ABCB5: variants seen among roughly 807,000 people sequenced by gnomAD.
ABCB5 encodes ATP-binding cassette sub-family B member 5.
A neutral mutation model predicts 144.2 loss-of-function variants in ABCB5; 155 were observed. That is an observed-to-expected ratio of 1.08 (90% confidence interval 0.94 to 1.23). ABCB5 has a LOEUF of 1.23. Ranked by LOEUF, ABCB5 falls within the 50% of genes most tolerant of loss-of-function variation. ABCB5 has a pLI of 0.00. For missense variants in ABCB5, 1,830 were observed against 1,520.8 expected (o/e 1.20, Z -3.38); for synonymous variants, 610 against 528.6 (o/e 1.15, Z -2.11).
At chr7:20,702,686 C>G (rs946134406) in intron 19 of ABCB5, among the ~76,000 whole-genome samples, 1 of 132,726 alleles carries the variant, frequency 7.5e-6, no homozygotes, top group Non-Finnish European at 1.5e-5. Context: ...TCCTGAGACA[C>G]AGTCTCGCTC....
chr7:20,696,845 A>G (rs1786434279), intron 16 of ABCB5, among the ~76,000 whole-genome samples: 1 of 151,978 alleles, frequency 6.6e-6, no homozygotes, highest in Admixed American at 6.6e-5. Context: ...TTTAAATGAT[A>G]CCATTTTAAA....
chr7:20,616,578 A>G (rs185236565), intron 1 of ABCB5, among the ~76,000 whole-genome samples: 26 of 152,344 alleles, frequency 1.7e-4, no homozygotes, highest in Admixed American at 5.2e-4. Context: ...TATGTTCCAT[A>G]GTACTTGCCA....
At chr7:20,664,907 A>C (rs771201784) in intron 14 of ABCB5, among the ~76,000 whole-genome samples, 2 of 152,200 alleles carry the variant, frequency 1.3e-5, no homozygotes, top group Non-Finnish European at 2.9e-5. Context: ...TGGGCAACAT[A>C]GCAAGACCTT....
intron 1 of ABCB5, among the ~76,000 whole-genome samples, chr7:20,616,963 C>A (rs1783700023): frequency 6.6e-6 from 1 of 152,160 alleles, no homozygotes; most frequent in South Asian, 2.1e-4. Flanking sequence ...TATATAGCAA[C>A]CTCCTTTTAT....
chr7:20,618,893 G>A (rs749715000), intron 1 of ABCB5, among the ~76,000 whole-genome samples: 56 of 140,270 alleles, frequency 4.0e-4, no homozygotes, highest in South Asian at 2.4e-3. Flanking sequence ...TCCTGCCTCA[G>A]CCACCCAAGT....
intron 25 of ABCB5, among the ~76,000 whole-genome samples, chr7:20,743,873 C>G (rs1782636940): frequency 6.6e-6 from 1 of 152,082 alleles, no homozygotes; most frequent in African/African-American, 2.4e-5. Context: ...ATGAGACACT[C>G]ATCTATTCGC....
At chr7:20,720,922 C>A (rs576149148) in intron 20 of ABCB5, among the ~76,000 whole-genome samples, 1 of 111,452 alleles carries the variant, frequency 9.0e-6, no homozygotes, top group African/African-American at 3.6e-5. Context: ...CCAGCCTGGG[C>A]GACAGAGCGA....
At chr7:20,714,726 A>G (rs1447049399) in intron 20 of ABCB5, among the ~76,000 whole-genome samples, 1 of 152,226 alleles carries the variant, frequency 6.6e-6, no homozygotes, top group Non-Finnish European at 1.5e-5. Flanking sequence ...ACAAGAATGG[A>G]AAACCCAAGC....
rs548354044 is a variant in ABCB5, at chr7:20,667,007, C to G, written c.1707+8331C>G. ...TTGTTGTTCACTATGAGGAGTATAT[C>G]GGTTTTAGGTCACATGAATGATCTA... is the stretch of plus-strand genomic sequence containing the variant. On this transcript the variant is annotated intron_variant, in intron 14 of 27. Coordinates refer to ENST00000404938, the MANE Select transcript of ABCB5 (RefSeq NM_001163941.2). 4.9e-4 allele frequency: 339 copies of G among 693,136 alleles called. 7 individuals carry two copies. The South Asian group carries it at 0.012, about 24-fold the overall frequency. The allele number at this position is 693,136 out of a possible 1,614,324, so 42.9% of individuals were successfully genotyped here.
intron 22 of ABCB5, among the ~76,000 whole-genome samples, chr7:20,727,822 T>G (rs1277548368): frequency 6.6e-6 from 1 of 152,002 alleles, no homozygotes; most frequent in African/African-American, 2.4e-5. Context: ...CACTTTTAAT[T>G]TTAAACTAGT....
At chr7:20,704,284 C>A (rs1786741440) in intron 19 of ABCB5, among the ~76,000 whole-genome samples, 1 of 151,818 alleles carries the variant, frequency 6.6e-6, no homozygotes, top group African/African-American at 2.4e-5. Flanking sequence ...GCCATGTTGG[C>A]CAGGCTGGTC....
chr7:20,700,036 T>C, intron 18 of ABCB5, 22 bp from the exon 19 acceptor site: 7 of 1,610,752 alleles, frequency 4.3e-6, no homozygotes, highest in Non-Finnish European at 5.9e-6. Context: ...AGAACGTAGA[T>C]TTTTGTTTGT....
chr7:20,720,515 A>G (rs576822561), intron 20 of ABCB5, among the ~76,000 whole-genome samples: 11 of 152,306 alleles, frequency 7.2e-5, no homozygotes, highest in African/African-American at 2.6e-4. Context: ...TGCAATGAGA[A>G]GAACACAGCA....
rs1218374836 is a variant in ABCB5 at position 20,615,818 on chromosome 7, A to G, written c.-41A>G. On this transcript the variant is annotated 5_prime_UTR_variant, in exon 1 of 28. Transcript: ENST00000404938. ...ACTGACTGGATGGGGCCCACTCAAA[A>G]CAGCATCTAAGGAATTAAAGTAAGT... The G allele has an allele frequency of 6.6e-6, 1 of 152,324 alleles. No homozygotes were observed. 9.4% of individuals were successfully genotyped at this position (152,324 alleles called of 1,614,324 possible).
In ABCB5 at chr7:20,676,260, A is replaced by ATT. The variant is rs1438603179; in HGVS notation, c.1708-5245_1708-5244insTT. Among the ~76,000 whole-genome samples, 915 of 152,168 alleles carry ATT rather than the reference A, an allele frequency of 6.0e-3. 1 individual carries two copies. The highest frequency in any genetic ancestry group is 8.3e-3 in the Non-Finnish European group (565 of 67,986). On this transcript the variant is annotated intron_variant, in intron 14 of 27. Coordinates refer to ENST00000404938, the MANE Select transcript of ABCB5 (RefSeq NM_001163941.2). Reference sequence around the variant, plus strand: ...CTGGATATATTAATATATATTCAAAAGAACTGAAGTCAGTATCTCGAAGAG... The same window carrying ATT: ...CTGGATATATTAATATATATTCAAAATTGAACTGAAGTCAGTATCTCGAAGAG...
chr7:20,660,920 T>A (rs1418208631), intron 14 of ABCB5, among the ~76,000 whole-genome samples: 1 of 152,182 alleles, frequency 6.6e-6, no homozygotes, highest in Non-Finnish European at 1.5e-5. Context: ...CTAGAACCTG[T>A]GAAACCAATC....
chr7:20,647,717 C>A (rs1784452849), intron 10 of ABCB5, 69 bp downstream of exon 10: 2 of 1,522,690 alleles, frequency 1.3e-6, no homozygotes, highest in East Asian at 4.9e-5. Flanking sequence ...AACATACACC[C>A]TCATTTTCAC....
chr7:20,738,473 C>T lies in ABCB5; in HGVS notation c.2868-510C>T, dbSNP rs76032701. Among the ~76,000 whole-genome samples the T allele has an allele frequency of 3.8e-3, 583 of 152,286 alleles. 3 individuals carry two copies. Among genetic ancestry groups the T allele is most frequent in the Middle Eastern group, 0.01 (3 of 294 alleles). ...TTGCTTTGGGAACCTGAGGAAAATA[C>T]GATCCCCATGATTTGCTCTCTAAAT... On this transcript the variant is annotated intron_variant, in intron 23 of 27. Coordinates refer to ENST00000404938, the MANE Select transcript of ABCB5 (RefSeq NM_001163941.2).
chr7:20,728,596 A>T, intron 23 of ABCB5, 141 bp downstream of exon 23: 1 of 1,005,974 alleles, frequency 9.9e-7, no homozygotes, highest in Non-Finnish European at 1.4e-6. Flanking sequence ...TCTACTAAAA[A>T]TACAAAAATT....
Sources: gnomAD v4.1 joint callset for allele counts (sites outside exome capture counted in the v4.1 genomes callset) on GRCh38, gnomAD v4.1.1 for gene constraint, MANE v1.5 for transcripts, NCBI Gene and HGNC (gene_info 2026-07-23, HGNC 2026-07-21) for gene names.